The following BICC1 variants were observed in gnomAD, a reference collection of about 807,000 sequenced individuals.
BICC1 encodes BicC family RNA binding protein 1.
In BICC1, 43 loss-of-function variants were observed where a neutral mutation model predicts 111.0. The observed-to-expected ratio is 0.39, with a 90% confidence interval of 0.30 to 0.50. The LOEUF (loss-of-function observed/expected upper bound fraction) is 0.50, where lower values mean the gene tolerates loss of function less well. Ranked by LOEUF, BICC1 falls within the 20% of genes least tolerant of loss-of-function variation. The pLI is 0.88. For synonymous variants in BICC1, 467 were observed against 434.4 expected, an observed-to-expected ratio of 1.07 and a Z score of -0.93; for missense variants, 1,091 against 1,203.2, an observed-to-expected ratio of 0.91 and a Z score of 1.38.
chr10:58,521,217 G>C (rs1450778903), intron 1 of BICC1, among the ~76,000 whole-genome samples: 2 of 152,114 alleles, frequency 1.3e-5, no homozygotes, highest in Non-Finnish European at 2.9e-5. Context: ...TTCAGATCCT[G>C]ATTATTAGCC....
At chr10:58,659,040 C>G (rs1838754945) in intron 2 of BICC1, among the ~76,000 whole-genome samples, 1 of 152,044 alleles carries the variant, frequency 6.6e-6, no homozygotes, top group Non-Finnish European at 1.5e-5. Flanking sequence ...CTATATGTGT[C>G]TATATAACTT....
At chr10:58,568,964 T>A (rs1236124204) in intron 1 of BICC1, among the ~76,000 whole-genome samples, 1 of 152,330 alleles carries the variant, frequency 6.6e-6, no homozygotes, top group East Asian at 1.9e-4. Flanking sequence ...CCTTTTGTGT[T>A]CCTAAGGAAA....
chr10:58,554,352 G>C (rs1435120757), intron 1 of BICC1, among the ~76,000 whole-genome samples: 3 of 152,094 alleles, frequency 2.0e-5, no homozygotes, highest in African/African-American at 7.2e-5. Context: ...TTCTTTTCCT[G>C]TCTTGTAAGA....
intron 3 of BICC1, among the ~76,000 whole-genome samples, chr10:58,731,657 C>T (rs892329270): frequency 1.1e-4 from 17 of 151,596 alleles, no homozygotes; most frequent in South Asian, 2.1e-4. Flanking sequence ...GTACTCATGG[C>T]GGAAGGCAAA....
intron 1 of BICC1, among the ~76,000 whole-genome samples, chr10:58,535,428 GTCT>G (rs1298132332): frequency 6.6e-6 from 1 of 151,610 alleles, no homozygotes; most frequent in African/African-American, 2.4e-5. Flanking sequence ...TCATTTTTTA[GTCT>G]TCTTAAACAG....
At chr10:58,526,705 T>G (rs12767609) in intron 1 of BICC1, among the ~76,000 whole-genome samples, 4,091 of 152,282 alleles carry the variant, frequency 0.027, 74 homozygotes, top group Non-Finnish European at 0.039. Flanking sequence ...TGCGATAGTT[T>G]GCTGAGAATG....
At chr10:58,825,125 T>C (rs912350759) in intron 20 of BICC1, among the ~76,000 whole-genome samples, 19 of 152,268 alleles carry the variant, frequency 1.2e-4, no homozygotes, top group African/African-American at 4.6e-4. Context: ...TAAGCTGATA[T>C]GATTTTTTTA....
intron 2 of BICC1, among the ~76,000 whole-genome samples, chr10:58,665,265 T>C (rs1195826070): frequency 6.6e-6 from 1 of 152,192 alleles, no homozygotes; most frequent in Non-Finnish European, 1.5e-5. Flanking sequence ...GCAAGATCAA[T>C]TTTAATAGTA....
At chr10:58,774,767 G>T (rs575758317) in intron 3 of BICC1, among the ~76,000 whole-genome samples, 26 of 152,196 alleles carry the variant, frequency 1.7e-4, no homozygotes, top group Non-Finnish European at 2.6e-4. Context: ...AAATTTTGAA[G>T]ACCTTTGCCG....
chr10:58,586,618 C>CT (rs1844436485), intron 1 of BICC1, among the ~76,000 whole-genome samples: 1 of 133,548 alleles, frequency 7.5e-6, no homozygotes, highest in East Asian at 2.1e-4. Flanking sequence ...CACTCTCTCT[C>CT]AAAAAAAAAA....
At chr10:58,731,864 A>G (rs980493221) in intron 3 of BICC1, among the ~76,000 whole-genome samples, 4 of 152,234 alleles carry the variant, frequency 2.6e-5, no homozygotes, top group Non-Finnish European at 5.9e-5. Context: ...GAATGATCCA[A>G]TCACCTCCCA....
At chr10:58,546,004 T>C (rs952051979) in intron 1 of BICC1, among the ~76,000 whole-genome samples, 4 of 152,184 alleles carry the variant, frequency 2.6e-5, no homozygotes, top group African/African-American at 7.2e-5. Flanking sequence ...TTTTATCTAT[T>C]ACATCTCCAT....
At chr10:58,702,258 TTTG>T in intron 3 of BICC1, 115 bp downstream of exon 3, 2 of 700,112 alleles carry the variant, frequency 2.9e-6, no homozygotes, top group Non-Finnish European at 4.8e-6. Flanking sequence ...TCCCAAAATG[TTTG>T]TTAAGTAGCA....
chr10:58,712,360 G>A (rs937089494), intron 3 of BICC1, among the ~76,000 whole-genome samples: 2 of 152,110 alleles, frequency 1.3e-5, no homozygotes, highest in Admixed American at 1.3e-4. Flanking sequence ...CATTTATCCA[G>A]GGGAGTTGAA....
chr10:58,828,570 A>G (rs1009474032), intron 20 of BICC1, among the ~76,000 whole-genome samples, 191 bp from the exon 21 acceptor site: 2 of 152,176 alleles, frequency 1.3e-5, no homozygotes, highest in Admixed American at 1.3e-4. Flanking sequence ...TCAATATGCT[A>G]TCTTTAATAC....
At chr10:58,684,711 C>T (rs10826221) in intron 2 of BICC1, among the ~76,000 whole-genome samples, 106,307 of 152,022 alleles carry the variant, frequency 0.7, 40,305 homozygotes, top group East Asian at 0.9. Context: ...TCTGTGGGAT[C>T]GGTGGTGATA....
intron 4 of BICC1, 67 bp downstream of exon 4, chr10:58,785,147 A>G (rs1456393611): frequency 6.8e-6 from 6 of 879,804 alleles, no homozygotes; most frequent in Non-Finnish European, 8.5e-6. Context: ...TCATGCCGTT[A>G]TGAAAGAACC....
intron 1 of BICC1, among the ~76,000 whole-genome samples, chr10:58,524,038 A>G (rs1052190181): frequency 2.0e-5 from 3 of 152,088 alleles, no homozygotes; most frequent in African/African-American, 7.2e-5. Flanking sequence ...CCACTGCTCA[A>G]TGAAATAAAA....
At chr10:58,657,388 A>G (rs999766418) in intron 2 of BICC1, among the ~76,000 whole-genome samples, 2 of 152,060 alleles carry the variant, frequency 1.3e-5, no homozygotes, top group Admixed American at 1.3e-4. Flanking sequence ...GCTTTTTTGT[A>G]TGTTCCTGAG....
Sources: gnomAD v4.1 joint callset for allele counts (sites outside exome capture counted in the v4.1 genomes callset) on GRCh38, gnomAD v4.1.1 for gene constraint, MANE v1.5 for transcripts, NCBI Gene and HGNC (gene_info 2026-07-23, HGNC 2026-07-21) for gene names.